The following DSE variants were observed in gnomAD, a reference collection of about 807,000 sequenced individuals.
DSE encodes dermatan sulfate epimerase, also known as dermatan-sulfate epimerase.
A neutral mutation model predicts 84.4 loss-of-function variants in DSE; 36 were observed. The observed-to-expected ratio is 0.43, with a 90% CI of 0.33 to 0.56. The LOEUF (loss-of-function observed/expected upper bound fraction) is 0.56. Among genes scored for constraint, DSE ranks in the 20% least tolerant of loss-of-function variants. The pLI is 0.06. For synonymous variants in DSE, 410 were observed against 430.1 expected, an observed-to-expected ratio of 0.95 and a Z score of 0.58; for missense variants, 862 against 1,169.6, an observed-to-expected ratio of 0.74 and a Z score of 3.84.
At chr6:116,423,170 T>G (rs1334763113) in intron 2 of DSE, 2 of 152,214 alleles carry the variant, frequency 1.3e-5, no homozygotes, top group Non-Finnish European at 2.9e-5. Flanking sequence ...ACAGTTTCCC[T>G]AATACCTGTA....
intron 1 of DSE, chr6:116,255,438 G>A (rs1772103661): frequency 6.6e-6 from 1 of 152,186 alleles, no homozygotes; most frequent in South Asian, 2.1e-4. Context: ...TTTTTTGTAT[G>A]CCTAGTCAGC....
intron 3 of DSE, among the ~76,000 whole-genome samples, chr6:116,428,479 A>C (rs1398738717): frequency 6.6e-6 from 1 of 152,232 alleles, no homozygotes; most frequent in Non-Finnish European, 1.5e-5. Flanking sequence ...GCAGTGACCC[A>C]AAATACTGGT....
At chr6:116,323,891 C>G (rs1288950467) in intron 2 of DSE, among the ~76,000 whole-genome samples, 1 of 152,158 alleles carries the variant, frequency 6.6e-6, no homozygotes, top group Non-Finnish European at 1.5e-5. Flanking sequence ...CTTCCCTCCA[C>G]TTCTACCATC....
At chr6:116,394,558 C>T (rs1781120451) in intron 1 of DSE, among the ~76,000 whole-genome samples, 1 of 152,132 alleles carries the variant, frequency 6.6e-6, no homozygotes, top group Admixed American at 6.5e-5. Context: ...GCCTCAGCCT[C>T]CCGAGTAGCT....
At chr6:116,311,497 G>C (rs1430221316) in intron 2 of DSE, among the ~76,000 whole-genome samples, 1 of 152,160 alleles carries the variant, frequency 6.6e-6, no homozygotes, top group African/African-American at 2.4e-5. Context: ...CGTTTTGCTT[G>C]TAACAACAAA....
intron 2 of DSE, chr6:116,400,433 T>C (rs1781521176): frequency 6.6e-6 from 1 of 152,164 alleles, no homozygotes; most frequent in Admixed American, 6.5e-5. Flanking sequence ...ATTGATGAAA[T>C]TTTTTTAAAA....
chr6:116,320,735 G>T (rs1776256904), intron 2 of DSE, among the ~76,000 whole-genome samples: 1 of 152,068 alleles, frequency 6.6e-6, no homozygotes, highest in African/African-American at 2.4e-5. Context: ...GCACATCCCT[G>T]ATGTCTCTTT....
intron 2 of DSE, among the ~76,000 whole-genome samples, chr6:116,335,706 G>A (rs1233921716): frequency 6.6e-6 from 1 of 152,176 alleles, no homozygotes; most frequent in African/African-American, 2.4e-5. Flanking sequence ...GTTGGTTTTT[G>A]TAAGGTGGGA....
chr6:116,370,932 G>A, upstream of DSE: 1 of 985,320 alleles, frequency 1.0e-6, no homozygotes, highest in Non-Finnish European at 1.2e-6. Flanking sequence ...ACCCGCCCCC[G>A]CCGGCCCGGC....
intron 2 of DSE, among the ~76,000 whole-genome samples, chr6:116,421,947 T>C (rs779205417): frequency 3.9e-5 from 6 of 152,194 alleles, no homozygotes; most frequent in African/African-American, 9.7e-5. Flanking sequence ...TCTTTTCAAA[T>C]AATTGTGAAT....
At chr6:116,397,207 C>CTTTTTT (rs11296951) in intron 1 of DSE, among the ~76,000 whole-genome samples, 4 of 105,200 alleles carry the variant, frequency 3.8e-5, no homozygotes, top group Non-Finnish European at 7.6e-5. Context: ...CTCTTTCTTT[C>CTTTTTT]TTTTTTTTTT....
At chr6:116,269,596 T>C (rs139354322) in intron 2 of DSE, among the ~76,000 whole-genome samples, 5 of 152,336 alleles carry the variant, frequency 3.3e-5, no homozygotes, top group African/African-American at 7.2e-5. Context: ...ATAATGCTTG[T>C]CCACTATGTT....
At chr6:116,418,403 A>AC (rs1303946076) in intron 2 of DSE, among the ~76,000 whole-genome samples, 1 of 152,110 alleles carries the variant, frequency 6.6e-6, no homozygotes, top group Admixed American at 6.6e-5. Flanking sequence ...GAAGATGCAA[A>AC]CCAGAACCAC....
intron 2 of DSE, chr6:116,276,790 A>G (rs935626556): frequency 2.0e-5 from 3 of 152,240 alleles, no homozygotes; most frequent in Admixed American, 2.0e-4. Context: ...TGCCAATGGT[A>G]CACTTCCAAT....
At chr6:116,299,543 TATATATATACACATACACACACAC>T (rs1774895115) in intron 2 of DSE, among the ~76,000 whole-genome samples, 1 of 27,456 alleles carries the variant, frequency 3.6e-5, no homozygotes, top group Non-Finnish European at 6.2e-5. Context: ...TATATATATA[TATATATATACACATACACACACAC>T]ACACACATAC....
At chr6:116,425,629 AT>A (rs1198347413) in intron 2 of DSE, among the ~76,000 whole-genome samples, 333 of 46,166 alleles carry the variant, frequency 7.2e-3, no homozygotes, top group Non-Finnish European at 0.015. Flanking sequence ...ATTTTATTTT[AT>A]TTTTTTTTTT....
chr6:116,403,185 G>T (rs931325223), intron 2 of DSE, among the ~76,000 whole-genome samples: 3 of 152,090 alleles, frequency 2.0e-5, no homozygotes, highest in Admixed American at 1.3e-4. Flanking sequence ...TTTCAGAGGT[G>T]CTCGCATCCT....
At chr6:116,279,031 C>T (rs1162378722) in intron 2 of DSE, 1 of 1,613,710 alleles carries the variant, frequency 6.2e-7, no homozygotes, top group Non-Finnish European at 8.5e-7. Context: ...GTAGTTCCTC[C>T]GCTCCAGGTA....
intron 2 of DSE, among the ~76,000 whole-genome samples, chr6:116,293,376 A>G (rs2114680094): frequency 6.6e-6 from 1 of 151,166 alleles, no homozygotes; most frequent in South Asian, 2.1e-4. Flanking sequence ...GGTTCAAGCT[A>G]TTCTCCTGCC....
Sources: allele counts gnomAD v4.1 joint callset (sites outside exome capture counted in the v4.1 genomes callset), GRCh38; gene constraint gnomAD v4.1.1; transcripts MANE v1.5; gene names NCBI Gene and HGNC (gene_info 2026-07-23, HGNC 2026-07-21).